Variants in LYRM4 observed in about 807,000 individuals in gnomAD.
LYRM4 encodes the protein LYR motif-containing protein 4.
A neutral mutation model predicts 11.7 loss-of-function variants in LYRM4; 9 were observed. That is an observed-to-expected ratio of 0.77 (90% CI 0.46 to 1.34). LYRM4 has a LOEUF of 1.34. Ranked by LOEUF, LYRM4 falls within the 40% of genes most tolerant of loss-of-function variation. LYRM4 has a pLI of 0.00. For synonymous variants in LYRM4, 42 were observed against 40.4 expected (o/e 1.04, Z -0.15); for missense variants, 133 against 112.5 (o/e 1.18, Z -0.82).
chr6:5,256,137 T>C (rs1174562184), intron 1 of LYRM4, among the ~76,000 whole-genome samples: 1 of 151,904 alleles, frequency 6.6e-6, no homozygotes, highest in Non-Finnish European at 1.5e-5. Flanking sequence ...GATGCTATTC[T>C]AGGGAACATC....
chr6:5,046,305 C>T, the LYRM4 span, among the ~76,000 whole-genome samples: 3 of 152,220 alleles, frequency 2.0e-5, no homozygotes, highest in Middle Eastern at 3.4e-3. Context: ...CGCCACCACA[C>T]CCGGCTAATT....
intron 2 of LYRM4, among the ~76,000 whole-genome samples, chr6:5,142,405 G>C (rs1447970827): frequency 4.6e-5 from 7 of 152,142 alleles, no homozygotes; most frequent in African/African-American, 1.7e-4. Flanking sequence ...CCTGCCCCCA[G>C]CTTTCCAATC....
chr6:5,232,172 G>T (rs971181777), intron 1 of LYRM4, among the ~76,000 whole-genome samples: 10 of 152,176 alleles, frequency 6.6e-5, no homozygotes, highest in African/African-American at 2.4e-4. Flanking sequence ...ATATAAACTG[G>T]ACTCTTACTG....
At chr6:5,039,874 T>C in the LYRM4 span, among the ~76,000 whole-genome samples, 4 of 151,720 alleles carry the variant, frequency 2.6e-5, no homozygotes, top group Non-Finnish European at 5.9e-5. Flanking sequence ...GCTACAAGAA[T>C]TAAAGGAGTA....
chr6:5,174,697 A>G (rs1759620624), intron 2 of LYRM4, among the ~76,000 whole-genome samples: 2 of 152,170 alleles, frequency 1.3e-5, no homozygotes, highest in African/African-American at 4.8e-5. Context: ...TAGTCTTTAC[A>G]CTTATAATTG....
chr6:5,153,625 A>G (rs1054925317), intron 2 of LYRM4, among the ~76,000 whole-genome samples: 2 of 152,224 alleles, frequency 1.3e-5, no homozygotes, highest in African/African-American at 4.8e-5. Context: ...ATACACACGG[A>G]CACTCTTGGA....
intron 2 of LYRM4, among the ~76,000 whole-genome samples, chr6:5,208,765 G>C (rs1175122473): frequency 6.6e-6 from 1 of 152,202 alleles, no homozygotes; most frequent in East Asian, 1.9e-4. Flanking sequence ...GAGGAAATTA[G>C]TTCAAATTCC....
chr6:5,215,600 T>G (rs1762230461), intron 2 of LYRM4, among the ~76,000 whole-genome samples: 1 of 152,226 alleles, frequency 6.6e-6, no homozygotes, highest in Non-Finnish European at 1.5e-5. Flanking sequence ...ACCTTTAATC[T>G]TGACATAAAC....
intron 2 of LYRM4, among the ~76,000 whole-genome samples, chr6:5,151,701 C>G (rs1758098399): frequency 6.6e-6 from 1 of 152,218 alleles, no homozygotes; most frequent in African/African-American, 2.4e-5. Flanking sequence ...TTACTAGCTG[C>G]ATGACTAGGG....
chr6:5,197,546 G>C (rs1241819244), intron 2 of LYRM4, among the ~76,000 whole-genome samples: 1 of 151,862 alleles, frequency 6.6e-6, no homozygotes. Context: ...ATGGTGGCGG[G>C]TGCCTGTAAT....
the LYRM4 span, among the ~76,000 whole-genome samples, chr6:5,063,158 T>G: frequency 6.6e-6 from 1 of 152,128 alleles, no homozygotes; most frequent in Non-Finnish European, 1.5e-5. Context: ...TTTTTTTGAA[T>G]GGGGCAAACT....
At chr6:5,061,333 A>G in the LYRM4 span, among the ~76,000 whole-genome samples, 99 of 152,244 alleles carry the variant, frequency 6.5e-4, 3 homozygotes, top group Admixed American at 1.3e-4. Context: ...CTGTCAGTCA[A>G]TAGTTCAGTT....
At chr6:5,085,749 C>G in the LYRM4 span, 4,791 of 1,538,350 alleles carry the variant, frequency 3.1e-3, 114 homozygotes, top group African/African-American at 0.055. Flanking sequence ...TTTCCTTGCC[C>G]GCCGACCCCA....
At chr6:5,183,851 C>T (rs771476054) in intron 2 of LYRM4, among the ~76,000 whole-genome samples, 4 of 152,208 alleles carry the variant, frequency 2.6e-5, no homozygotes, top group Non-Finnish European at 5.9e-5. Flanking sequence ...TATTGTATAA[C>T]ATGGAGGCTA....
At chr6:5,188,622 G>A (rs568066451) in intron 2 of LYRM4, among the ~76,000 whole-genome samples, 1 of 152,258 alleles carries the variant, frequency 6.6e-6, no homozygotes, top group South Asian at 2.1e-4. Flanking sequence ...TTACTTACTA[G>A]TGAGTGACAA....
In LYRM4 at chr6:5,260,936, G is replaced by A. The variant is rs2127792718; in HGVS notation, c.-203C>T. The A allele has an allele frequency of 7.4e-7, 1 of 1,350,190 alleles. No homozygotes were observed. Among genetic ancestry groups the A allele is most frequent in the Non-Finnish European group, 9.5e-7 (1 of 1,055,406 alleles). 83.6% of individuals were successfully genotyped at this position (1,350,190 alleles called of 1,614,324 possible). On this transcript the variant is annotated 5_prime_UTR_variant, in exon 1 of 3. Coordinates refer to ENST00000330636, the MANE Select transcript of LYRM4 (RefSeq NM_020408.6). The stretch of plus-strand genomic sequence containing the variant: ...GCGTCCCGCGCCGCTTCGGGGGCGG[G>A]CGCAGGCAGGGCTCGGGGCAGCTAA...
chr6:5,165,121 T>C (rs1759001551), intron 2 of LYRM4, among the ~76,000 whole-genome samples: 1 of 152,194 alleles, frequency 6.6e-6, no homozygotes, highest in East Asian at 1.9e-4. Flanking sequence ...TTTGTAAGCA[T>C]ACAATTAGAA....
intron 2 of LYRM4, among the ~76,000 whole-genome samples, chr6:5,213,048 A>C (rs1762067618): frequency 1.3e-5 from 2 of 152,176 alleles, no homozygotes; most frequent in Admixed American, 1.3e-4. Flanking sequence ...AGAATGAATG[A>C]CCTCTGAGCA....
At chr6:5,125,598 C>A (rs558518285) in intron 2 of LYRM4, among the ~76,000 whole-genome samples, 2 of 152,342 alleles carry the variant, frequency 1.3e-5, no homozygotes, top group Admixed American at 1.3e-4. Context: ...GGTCACCACA[C>A]ATGGAGTTGC....
Sources: gnomAD v4.1 joint callset for allele counts (sites outside exome capture counted in the v4.1 genomes callset) on GRCh38, gnomAD v4.1.1 for gene constraint, MANE v1.5 for transcripts, NCBI Gene and HGNC (gene_info 2026-07-23, HGNC 2026-07-21) for gene names.